Variants in PTGER4 observed in about 807,000 individuals in gnomAD.
The protein encoded by PTGER4 is prostaglandin E receptor 4, also known as prostaglandin E2 receptor EP4 subtype.
A neutral mutation model predicts 33.2 loss-of-function variants in PTGER4; 11 were observed. That is an observed-to-expected ratio of 0.33 (90% CI 0.21 to 0.55). The LOEUF (loss-of-function observed/expected upper bound fraction) is 0.55. Among genes scored for constraint, PTGER4 ranks in the 20% least tolerant of loss-of-function variants. PTGER4 has a pLI of 0.92. For missense variants in PTGER4, 481 were observed against 650.2 expected, an observed-to-expected ratio of 0.74 and a Z score of 2.83; for synonymous variants, 275 against 281.5, an observed-to-expected ratio of 0.98 and a Z score of 0.23.
rs1042683874 is a variant in PTGER4, at chr5:40,683,165, A to G, written c.867+1305A>G. Among the ~76,000 whole-genome samples the G allele has an allele frequency of 3.3e-5, 5 of 152,222 alleles. No individual in the cohort carries two copies. The highest frequency in any genetic ancestry group is 7.3e-5 in the Non-Finnish European group (5 of 68,036). ...TTATGCTTGTTGGGAACAAGAGAAT[A>G]TAAAATGTAATGGGCTATTATTCCT... On this transcript the variant is annotated intron_variant, in intron 2 of 2. Coordinates refer to ENST00000302472, the MANE Select transcript of PTGER4 (RefSeq NM_000958.3). The surrounding 1 kb of genome is among the most constrained non-coding windows in gnomAD (Gnocchi z 4.2).
At chr5:40,718,041 A>T in the PTGER4 span, among the ~76,000 whole-genome samples, 1 of 151,652 alleles carries the variant, frequency 6.6e-6, no homozygotes, top group Non-Finnish European at 1.5e-5. Flanking sequence ...CAGCCTGGGC[A>T]ACAAGAGCGA....
chr5:40,723,709 AC>A, the PTGER4 span, among the ~76,000 whole-genome samples: 1 of 152,112 alleles, frequency 6.6e-6, no homozygotes, highest in Non-Finnish European at 1.5e-5. Context: ...TACTAAAAAT[AC>A]AAAAATTAGC....
rs1026848236 is a variant in PTGER4, at chr5:40,693,467, C to T, written c.*1089C>T. On this transcript the variant is annotated 3_prime_UTR_variant, in exon 3 of 3. Coordinates refer to ENST00000302472, the MANE Select transcript of PTGER4 (RefSeq NM_000958.3). ...TTTGAGATGTAAAAAGATTCCCAAA[C>T]GTGGTTACATTAGCCATTCATGTAT... 40 of 985,852 alleles carry T rather than the reference C, an allele frequency of 4.1e-5. No individual in the cohort carries two copies. The highest frequency in any genetic ancestry group is 5.2e-4 in the Middle Eastern group (1 of 1,936). The allele number at this position is 985,852 out of a possible 1,614,324, so 61.1% of individuals were successfully genotyped here.
At chr5:40,732,672 G>T in the PTGER4 span, among the ~76,000 whole-genome samples, 7 of 151,986 alleles carry the variant, frequency 4.6e-5, no homozygotes, top group African/African-American at 1.7e-4. Flanking sequence ...ACAGTGGCAT[G>T]ATCTCAGCTC....
chr5:40,737,946 T>C, the PTGER4 span, among the ~76,000 whole-genome samples: 1 of 152,374 alleles, frequency 6.6e-6, no homozygotes, highest in African/African-American at 2.4e-5. Context: ...AATTTATTCA[T>C]TCATTCACCT....
chr5:40,743,936 C>T, the PTGER4 span, among the ~76,000 whole-genome samples: 34,138 of 152,122 alleles, frequency 0.22, 4,314 homozygotes, highest in East Asian at 0.56. Context: ...TTTCGACATA[C>T]AGGCAGAAAA....
In PTGER4 at chr5:40,692,447, G is replaced by A; in HGVS notation, c.*69G>A. 1 of 1,507,116 alleles carries A rather than the reference G, an allele frequency of 6.6e-7. No individual in the cohort carries two copies. Among genetic ancestry groups the A allele is most frequent in the Non-Finnish European group, 8.8e-7 (1 of 1,133,522 alleles). The allele number at this position is 1,507,116 out of a possible 1,614,324, so 93.4% of individuals were successfully genotyped here. ...AATCCTGTGCAATAGACACATACAT[G>A]TCACATTTAGCTGTGCTCAGAAGGG... On this transcript the variant is annotated 3_prime_UTR_variant, in exon 3 of 3. Transcript: ENST00000302472.
At chr5:40,686,785 C>T (rs998650802) in intron 2 of PTGER4, among the ~76,000 whole-genome samples, 5 of 152,144 alleles carry the variant, frequency 3.3e-5, no homozygotes, top group Admixed American at 2.0e-4. Flanking sequence ...GTGGTCCCAG[C>T]AACTTGGAAG....
chr5:40,712,617 G>C, the PTGER4 span, among the ~76,000 whole-genome samples: 1 of 152,154 alleles, frequency 6.6e-6, no homozygotes. Flanking sequence ...AACTTTCACT[G>C]CAAGGTTCAC....
At position 40,692,522 on chromosome 5, in the gene PTGER4, C is replaced by G. The variant is rs1741499748; in HGVS notation, c.*144C>G. ...TAGAGAACATCCTGGCTTTTGAGCA[C>G]TTTTCAAACAATCAAGTTGACTCAC... On this transcript the variant is annotated 3_prime_UTR_variant, in exon 3 of 3. Transcript: ENST00000302472. 3 of 1,454,720 alleles carry G rather than the reference C, an allele frequency of 2.1e-6. No homozygotes were observed. Among genetic ancestry groups the G allele is most frequent in the African/African-American group, 2.8e-5 (2 of 70,470 alleles). 90.1% of individuals were successfully genotyped at this position (1,454,720 alleles called of 1,614,324 possible).
chr5:40,689,518 T>C (rs1444547014), intron 2 of PTGER4, among the ~76,000 whole-genome samples: 6 of 152,218 alleles, frequency 3.9e-5, no homozygotes, highest in Non-Finnish European at 8.8e-5. Flanking sequence ...GTTGAAAATC[T>C]TTCTATAATA....
chr5:40,741,564 A>G, the PTGER4 span, among the ~76,000 whole-genome samples: 1 of 151,816 alleles, frequency 6.6e-6, no homozygotes, highest in Non-Finnish European at 1.5e-5. Context: ...CTGGTACTCT[A>G]CTCTGCAACT....
downstream of PTGER4, among the ~76,000 whole-genome samples, chr5:40,698,092 C>A (rs79332934): frequency 2.0e-3 from 79 of 40,048 alleles, no homozygotes; most frequent in Admixed American, 2.8e-3. Context: ...CCTGTCTCTA[C>A]AAAAAAAAAA....
chr5:40,725,934 CGCCACCACGTCCA>C, the PTGER4 span, among the ~76,000 whole-genome samples: 1 of 151,948 alleles, frequency 6.6e-6, no homozygotes, highest in Non-Finnish European at 1.5e-5. Flanking sequence ...TACAGGCGCC[CGCCACCACGTCCA>C]GCTAATTTTT....
In PTGER4 at chr5:40,691,373, G is replaced by A. The variant is rs560030025; in HGVS notation, c.868-406G>A. ...ATTTTTGTATTTTTAGTAGAGATGG[G>A]GTTTCACCATGTTGGCCAGGAGGTT... On this transcript the variant is annotated intron_variant, in intron 2 of 2. Transcript: ENST00000302472. The surrounding 1 kb of genome is among the most constrained non-coding windows in gnomAD (Gnocchi z 4.2). 6.6e-6 allele frequency among the ~76,000 whole-genome samples: 1 copy of A among 152,206 alleles called. No individual in the cohort carries two copies. The highest frequency in any genetic ancestry group is 1.5e-5 in the Non-Finnish European group (1 of 68,036).
At chr5:40,694,347 G>A (rs45440095), downstream of PTGER4, among the ~76,000 whole-genome samples, 655 of 152,270 alleles carry the variant, frequency 4.3e-3, 3 homozygotes, top group African/African-American at 0.015. Context: ...CACCATGCCC[G>A]GCCATTTTTA....
chr5:40,734,909 T>A, the PTGER4 span, among the ~76,000 whole-genome samples: 1 of 152,142 alleles, frequency 6.6e-6, no homozygotes, highest in Non-Finnish European at 1.5e-5. Context: ...AGGAATGTGA[T>A]AGGGAGTGAC....
chr5:40,698,817 C>T, the PTGER4 span, among the ~76,000 whole-genome samples: 3 of 152,092 alleles, frequency 2.0e-5, no homozygotes, highest in Admixed American at 6.6e-5. Context: ...TGTAGTTTTT[C>T]CAGCATAAGA....
At chr5:40,696,775 T>C, downstream of PTGER4, 1 of 902,854 alleles carries the variant, frequency 1.1e-6, no homozygotes, top group Non-Finnish European at 1.3e-6. Context: ...TAAGTATTTC[T>C]CTTTCTTGAG....
Sources: allele counts gnomAD v4.1 joint callset (sites outside exome capture counted in the v4.1 genomes callset), GRCh38; gene constraint gnomAD v4.1.1; non-coding constraint Gnocchi (gnomAD v3.1); transcripts MANE v1.5; gene names NCBI Gene and HGNC (gene_info 2026-07-23, HGNC 2026-07-21).